Variants in RBMS1 observed in about 807,000 individuals in gnomAD.
The protein encoded by RBMS1 is RNA-binding motif, single-stranded-interacting protein 1.
In RBMS1, 17 loss-of-function variants were observed where a neutral mutation model predicts 62.3. The ratio of observed to expected loss-of-function variants is 0.27; its 90% CI spans 0.19 to 0.41. The LOEUF is 0.41. RBMS1 is among the 10% of genes least tolerant of loss of function. The pLI is 1.00. For synonymous variants in RBMS1, 172 were observed against 170.0 expected (o/e 1.01, Z -0.09); for missense variants, 334 against 504.5 (o/e 0.66, Z 3.24).
chr2:160,329,126 G>C (rs1691114920), intron 2 of RBMS1, among the ~76,000 whole-genome samples: 2 of 152,146 alleles, frequency 1.3e-5, no homozygotes, highest in South Asian at 2.1e-4. Flanking sequence ...ATTTTCAAAC[G>C]TAGTCCATCC....
At chr2:160,489,577 T>C (rs1685736732) in intron 1 of RBMS1, among the ~76,000 whole-genome samples, 1 of 152,206 alleles carries the variant, frequency 6.6e-6, no homozygotes. Context: ...ACTGCTTTGT[T>C]CTACTAGCCT....
rs182866421 is a variant in RBMS1 at position 160,435,264 on chromosome 2, T to C, written c.75+58025A>G. ...TAATTGGGGTTTTATCTCTTTTTTA[T>C]TGGTATACCAACAATTTTTTAATCA... On this transcript the variant is annotated intron_variant, in intron 1 of 13. Coordinates refer to ENST00000348849, the MANE Select transcript of RBMS1 (RefSeq NM_016836.4). Among the ~76,000 whole-genome samples the C allele has an allele frequency of 4.6e-5, 7 of 152,372 alleles. No homozygotes were observed. The East Asian group carries it at 1.3e-3, about 29-fold the overall frequency.
chr2:160,330,902 G>C (rs1691229919), intron 2 of RBMS1, among the ~76,000 whole-genome samples: 1 of 152,138 alleles, frequency 6.6e-6, no homozygotes, highest in East Asian at 1.9e-4. Flanking sequence ...TCTCAGGGTA[G>C]GCCCTAATCC....
rs542218998 is a variant in RBMS1, at chr2:160,281,228, C to T, written c.951+86G>A. ...TGTTTAAAATTTCCCAAATCCTATACCACCCTTGGCAAATGGTTTTAACCT... is the reference window on the plus strand; with the variant it reads ...TGTTTAAAATTTCCCAAATCCTATATCACCCTTGGCAAATGGTTTTAACCT... On this transcript the variant is annotated intron_variant, in intron 10 of 13. Coordinates refer to ENST00000348849, the MANE Select transcript of RBMS1 (RefSeq NM_016836.4). The T allele has an allele frequency of 3.8e-5, 40 of 1,053,208 alleles. No homozygotes were observed. In the South Asian group the frequency reaches 7.0e-4, roughly 18 times the overall value. The allele number at this position is 1,053,208 out of a possible 1,614,324, so 65.2% of individuals were successfully genotyped here.
At chr2:160,428,855 C>T (rs1682765049) in intron 1 of RBMS1, among the ~76,000 whole-genome samples, 1 of 152,182 alleles carries the variant, frequency 6.6e-6, no homozygotes, top group African/African-American at 2.4e-5. Context: ...CGCCCTTTGA[C>T]ATTGTGCTTC....
At chr2:160,471,688 GGT>G (rs551305498) in intron 1 of RBMS1, among the ~76,000 whole-genome samples, 1 of 20,280 alleles carries the variant, frequency 4.9e-5, no homozygotes, top group African/African-American at 1.0e-4. Flanking sequence ...GAAATCCTTT[GGT>G]GTATATATAT....
intron 1 of RBMS1, among the ~76,000 whole-genome samples, chr2:160,384,700 GTGT>G (rs1477001842): frequency 6.6e-6 from 1 of 152,340 alleles, no homozygotes; most frequent in East Asian, 1.9e-4. Flanking sequence ...CTAGCTCGCA[GTGT>G]TGTTGTAAAG....
intron 9 of RBMS1, chr2:160,281,780 T>G (rs1212157443): frequency 5.6e-6 from 1 of 179,038 alleles, no homozygotes; most frequent in African/African-American, 2.4e-5. Flanking sequence ...GCACATCTTA[T>G]TAGAAGCTAA....
chr2:160,369,431 T>G lies in RBMS1; in HGVS notation c.76-2040A>C, dbSNP rs537790419. Among the ~76,000 whole-genome samples the G allele has an allele frequency of 3.5e-4, 54 of 152,336 alleles. No homozygotes were observed. In the East Asian group the frequency reaches 7.7e-3, roughly 22 times the overall value. On this transcript the variant is annotated intron_variant, in intron 1 of 13. Coordinates refer to ENST00000348849, the MANE Select transcript of RBMS1 (RefSeq NM_016836.4). The stretch of plus-strand genomic sequence containing the variant: ...ATCCAGCCCTACTCTATTTTTCACA[T>G]CAGTGAGAACAGAGGTGCTGGAAAG...
intron 1 of RBMS1, among the ~76,000 whole-genome samples, chr2:160,440,794 ATCT>A (rs1301092476): frequency 2.6e-5 from 4 of 152,198 alleles, no homozygotes; most frequent in Admixed American, 6.5e-5. Flanking sequence ...CACTTACAAC[ATCT>A]TCTCACATCC....
chr2:160,441,801 T>C (rs774584815), intron 1 of RBMS1, among the ~76,000 whole-genome samples: 13 of 152,242 alleles, frequency 8.5e-5, no homozygotes, highest in Non-Finnish European at 1.3e-4. Flanking sequence ...TACCAAGTGC[T>C]ATACATCCTC....
chr2:160,294,694 T>C (rs1688846252), intron 6 of RBMS1, among the ~76,000 whole-genome samples: 1 of 152,228 alleles, frequency 6.6e-6, no homozygotes, highest in African/African-American at 2.4e-5. Context: ...AATCCAAGTA[T>C]TCTGACAGGA....
intron 2 of RBMS1, among the ~76,000 whole-genome samples, chr2:160,326,201 G>C (rs1483632989): frequency 6.6e-6 from 1 of 152,168 alleles, no homozygotes; most frequent in Non-Finnish European, 1.5e-5. Flanking sequence ...GTCAAGAAAG[G>C]AGAGATCAAA....
At chr2:160,383,172 T>C (rs1316617345) in intron 1 of RBMS1, among the ~76,000 whole-genome samples, 3 of 152,176 alleles carry the variant, frequency 2.0e-5, no homozygotes, top group South Asian at 2.1e-4. Flanking sequence ...ATTAGGGTGT[T>C]AGCAGGTTAA....
chr2:160,443,998 A>G (rs138396230), intron 1 of RBMS1, among the ~76,000 whole-genome samples: 2 of 152,244 alleles, frequency 1.3e-5, no homozygotes, highest in Non-Finnish European at 2.9e-5. Flanking sequence ...TACTAACTCA[A>G]TGGGGATATC....
chr2:160,367,710 A>T (rs1347006695), intron 1 of RBMS1, among the ~76,000 whole-genome samples: 1 of 152,208 alleles, frequency 6.6e-6, no homozygotes, highest in East Asian at 1.9e-4. Flanking sequence ...AGATGATACC[A>T]TCTTAATACA....
At chr2:160,329,943 T>C (rs1691166211) in intron 2 of RBMS1, among the ~76,000 whole-genome samples, 1 of 152,044 alleles carries the variant, frequency 6.6e-6, no homozygotes, top group South Asian at 2.1e-4. Flanking sequence ...AATGTTGATC[T>C]GAGGCAAAAT....
chr2:160,388,774 G>C (rs532144064), intron 1 of RBMS1, among the ~76,000 whole-genome samples: 1 of 152,150 alleles, frequency 6.6e-6, no homozygotes, highest in African/African-American at 2.4e-5. Flanking sequence ...CCCTCCCTGC[G>C]ATGCGAGAGG....
At chr2:160,306,206 A>G (rs1301740756) in intron 4 of RBMS1, among the ~76,000 whole-genome samples, 1 of 152,100 alleles carries the variant, frequency 6.6e-6, no homozygotes, top group Admixed American at 6.6e-5. Flanking sequence ...AAGAATGTTC[A>G]TAGGAGAATT....
Sources: allele counts gnomAD v4.1 joint callset (sites outside exome capture counted in the v4.1 genomes callset), GRCh38; gene constraint gnomAD v4.1.1; transcripts MANE v1.5; gene names NCBI Gene and HGNC (gene_info 2026-07-23, HGNC 2026-07-21).